The following RBFOX1 variants were observed in gnomAD, a reference collection of about 807,000 sequenced individuals.
The protein encoded by RBFOX1 is RNA binding protein fox-1 homolog 1.
A neutral mutation model predicts 57.7 loss-of-function variants in RBFOX1; 8 were observed. That is an observed-to-expected ratio of 0.14 (90% confidence interval 0.08 to 0.25). The LOEUF (loss-of-function observed/expected upper bound fraction) is 0.25, where lower values mean the gene tolerates loss of function less well. Among genes scored for constraint, RBFOX1 ranks in the 10% least tolerant of loss-of-function variants. The pLI is 1.00. For missense variants in RBFOX1, 611 were observed against 548.5 expected (o/e 1.11, Z -1.14); for synonymous variants, 326 against 222.4 (o/e 1.47, Z -4.15).
chr16:5,305,407 A>T (rs1256587969), intron 1 of RBFOX1, among the ~76,000 whole-genome samples: 2 of 152,054 alleles, frequency 1.3e-5, no homozygotes, highest in Admixed American at 6.6e-5. Context: ...ACAGAGGATG[A>T]CTGAGGAGGA....
At chr16:5,753,885 C>G (rs1373600863) in intron 3 of RBFOX1, among the ~76,000 whole-genome samples, 4 of 151,824 alleles carry the variant, frequency 2.6e-5, no homozygotes, top group Non-Finnish European at 4.4e-5. Context: ...AATCAATGAT[C>G]TAAACCCTAC....
At chr16:5,383,736 T>G (rs1306268806) in intron 1 of RBFOX1, among the ~76,000 whole-genome samples, 2 of 152,210 alleles carry the variant, frequency 1.3e-5, no homozygotes, top group Admixed American at 1.3e-4. Flanking sequence ...GACATTGTTT[T>G]TTATTAGAGG....
chr16:6,798,962 A>T (rs1173100562), intron 3 of RBFOX1, among the ~76,000 whole-genome samples: 1 of 152,120 alleles, frequency 6.6e-6, no homozygotes, highest in East Asian at 1.9e-4. Context: ...TACTTGTTAC[A>T]TCTTGGGGTA....
intron 1 of RBFOX1, among the ~76,000 whole-genome samples, chr16:5,336,476 G>T (rs968808841): frequency 6.6e-6 from 1 of 152,156 alleles, no homozygotes; most frequent in Non-Finnish European, 1.5e-5. Context: ...ATGCATGGGG[G>T]TGCTGATCCT....
At chr16:6,339,753 C>G (rs929153416) in intron 2 of RBFOX1, among the ~76,000 whole-genome samples, 2 of 152,018 alleles carry the variant, frequency 1.3e-5, no homozygotes, top group African/African-American at 4.8e-5. Flanking sequence ...TCACTGAATC[C>G]TCTGCCTCCC....
At chr16:6,973,448 A>G (rs2086046007) in intron 3 of RBFOX1, among the ~76,000 whole-genome samples, 2 of 152,178 alleles carry the variant, frequency 1.3e-5, no homozygotes. Flanking sequence ...ACAGAATTAC[A>G]TGCAAGTAAT....
chr16:6,801,752 C>T (rs933876285), intron 3 of RBFOX1, among the ~76,000 whole-genome samples: 3 of 152,036 alleles, frequency 2.0e-5, no homozygotes, highest in East Asian at 3.9e-4. Context: ...TAACCAGTTA[C>T]AGGGAGAAGG....
chr16:5,255,426 AC>A (rs1238619168), intron 1 of RBFOX1, among the ~76,000 whole-genome samples: 2 of 149,596 alleles, frequency 1.3e-5, no homozygotes, highest in Non-Finnish European at 3.0e-5. Flanking sequence ...CTATCCACCC[AC>A]CCACCCATCT....
intron 4 of RBFOX1, among the ~76,000 whole-genome samples, chr16:7,507,831 G>T (rs1049162997): frequency 6.6e-6 from 1 of 152,020 alleles, no homozygotes; most frequent in African/African-American, 2.4e-5. Context: ...CCAAAGTGCT[G>T]GGATTACAGG....
At chr16:6,252,319 T>A (rs1196966654) in intron 1 of RBFOX1, among the ~76,000 whole-genome samples, 1 of 152,128 alleles carries the variant, frequency 6.6e-6, no homozygotes, top group Non-Finnish European at 1.5e-5. Context: ...GGAAGAAGAA[T>A]CTATTTCGAG....
intron 5 of RBFOX1, among the ~76,000 whole-genome samples, chr16:7,532,941 T>G (rs572317397): frequency 6.6e-6 from 1 of 152,356 alleles, no homozygotes; most frequent in South Asian, 2.1e-4. Context: ...ATCGGGCCAT[T>G]TTATTGGACT....
intron 1 of RBFOX1, among the ~76,000 whole-genome samples, chr16:6,174,042 A>G (rs925351544): frequency 1.3e-5 from 2 of 152,136 alleles, no homozygotes; most frequent in South Asian, 2.1e-4. Flanking sequence ...CAGACTCCCA[A>G]GACACTGCAT....
chr16:6,806,836 A>ATTTTTTTTTTT (rs1555488600), intron 3 of RBFOX1, among the ~76,000 whole-genome samples: 1 of 91,878 alleles, frequency 1.1e-5, no homozygotes, highest in African/African-American at 4.1e-5. Flanking sequence ...ATATATATAT[A>ATTTTTTTTTTT]TTTTTTTTTT....
At chr16:6,951,666 C>G (rs1166897363) in intron 3 of RBFOX1, among the ~76,000 whole-genome samples, 1 of 152,106 alleles carries the variant, frequency 6.6e-6, no homozygotes. Context: ...TCACTTTTGC[C>G]TCATGGATTC....
intron 1 of RBFOX1, among the ~76,000 whole-genome samples, chr16:5,462,282 C>G (rs942778361): frequency 6.6e-6 from 1 of 151,168 alleles, no homozygotes; most frequent in African/African-American, 2.4e-5. Context: ...CATTCTCCTG[C>G]CTCAGCCTCC....
At chr16:6,975,210 G>A (rs1430472173) in intron 3 of RBFOX1, among the ~76,000 whole-genome samples, 1 of 152,050 alleles carries the variant, frequency 6.6e-6, no homozygotes, top group African/African-American at 2.4e-5. Context: ...TCTGCCCGAC[G>A]CACAGAATTT....
intron 4 of RBFOX1, among the ~76,000 whole-genome samples, chr16:7,069,504 A>C (rs116442549): frequency 6.6e-6 from 1 of 152,260 alleles, no homozygotes; most frequent in Admixed American, 6.5e-5. Context: ...AGCTTCATCT[A>C]TGTCCTTGCA....
At chr16:6,151,166 T>C (rs2096794787) in intron 1 of RBFOX1, among the ~76,000 whole-genome samples, 1 of 152,220 alleles carries the variant, frequency 6.6e-6, no homozygotes, top group Non-Finnish European at 1.5e-5. Context: ...ACTCTTCCTG[T>C]ATATAGAAGA....
At chr16:5,425,084 T>TCTAC (rs2067510815) in intron 1 of RBFOX1, among the ~76,000 whole-genome samples, 1 of 143,856 alleles carries the variant, frequency 7.0e-6, no homozygotes, top group Non-Finnish European at 1.5e-5. Context: ...TATCTATCTA[T>TCTAC]CTATCTATCT....
Sources: gnomAD v4.1 joint callset for allele counts (sites outside exome capture counted in the v4.1 genomes callset) on GRCh38, gnomAD v4.1.1 for gene constraint, MANE v1.5 for transcripts, NCBI Gene and HGNC (gene_info 2026-07-23, HGNC 2026-07-21) for gene names.